The following PINX1 variants were observed in gnomAD, a reference collection of about 807,000 sequenced individuals.
The protein encoded by PINX1 is PIN2 (TERF1) interacting telomerase inhibitor 1.
PINX1 carries 34 observed loss-of-function variants against 25.4 expected under a neutral mutation model. The ratio of observed to expected loss-of-function variants is 1.34; its 90% CI spans 1.02 to 1.78. PINX1 has a LOEUF of 1.78. Ranked by LOEUF, PINX1 falls within the 40% of genes most tolerant of loss-of-function variation. The probability of loss-of-function intolerance (pLI) is 0.00; values close to 1 mark genes in which losing one functional copy is unlikely to be tolerated. For synonymous variants in PINX1, 197 were observed against 147.7 expected (o/e 1.33, Z -2.42); for missense variants, 592 against 404.9 (o/e 1.46, Z -3.97).
intron 6 of PINX1, among the ~76,000 whole-genome samples, chr8:10,793,634 C>G (rs759376258): frequency 9.9e-5 from 15 of 151,988 alleles, no homozygotes; most frequent in Non-Finnish European, 1.8e-4. Context: ...AGAAAGGACA[C>G]AGACGTCCGC....
intron 6 of PINX1, among the ~76,000 whole-genome samples, chr8:10,767,377 T>A (rs1003740677): frequency 3.9e-5 from 6 of 152,060 alleles, no homozygotes; most frequent in African/African-American, 1.4e-4. Context: ...CAGTGGCAAG[T>A]GCCTCAGACA....
chr8:10,807,337 C>CG (rs1262805682), intron 6 of PINX1, among the ~76,000 whole-genome samples: 17 of 99,892 alleles, frequency 1.7e-4, no homozygotes, highest in Non-Finnish European at 3.2e-4. Flanking sequence ...ACCCCCCCCC[C>CG]CACCAAAGTA....
chr8:10,824,483 T>C (rs1320031953), intron 5 of PINX1, among the ~76,000 whole-genome samples: 7 of 152,144 alleles, frequency 4.6e-5, no homozygotes, highest in African/African-American at 1.7e-4. Flanking sequence ...TGACTCCCTC[T>C]TCTCCCCAGG....
intron 6 of PINX1, among the ~76,000 whole-genome samples, chr8:10,783,104 G>A (rs1801644153): frequency 6.6e-6 from 1 of 152,144 alleles, no homozygotes. Context: ...ATTGTTACGT[G>A]TGACCCTTAT....
At chr8:10,828,717 C>G (rs1424564596) in intron 4 of PINX1, among the ~76,000 whole-genome samples, 1 of 152,178 alleles carries the variant, frequency 6.6e-6, no homozygotes, top group Non-Finnish European at 1.5e-5. Flanking sequence ...TGCACTCATG[C>G]CTGAAACTGC....
intron 6 of PINX1, among the ~76,000 whole-genome samples, chr8:10,801,280 T>G (rs73208758): frequency 6.6e-6 from 1 of 152,138 alleles, no homozygotes; most frequent in Non-Finnish European, 1.5e-5. Context: ...CCCTCCCATA[T>G]GCTAAAGGAG....
chr8:10,829,567 C>T (rs1798163654), intron 4 of PINX1, among the ~76,000 whole-genome samples: 2 of 152,192 alleles, frequency 1.3e-5, no homozygotes, highest in Non-Finnish European at 2.9e-5. Flanking sequence ...TACCGAATGT[C>T]ATACAAATGA....
chr8:10,834,806 T>A, intron 1 of PINX1, 31 bp from the exon 2 acceptor site: 1 of 1,499,978 alleles, frequency 6.7e-7, no homozygotes, highest in South Asian at 1.1e-5. Context: ...TCATCAGCAA[T>A]GGAGATGATA....
chr8:10,833,624 C>A, intron 2 of PINX1: 1 of 54,146 alleles, frequency 1.8e-5, no homozygotes, highest in Non-Finnish European at 3.8e-5. Flanking sequence ...AACTGGGGTG[C>A]GGGAGGCTGG....
At chr8:10,818,846 G>C (rs1713196872) in intron 6 of PINX1, among the ~76,000 whole-genome samples, 1 of 152,196 alleles carries the variant, frequency 6.6e-6, no homozygotes, top group African/African-American at 2.4e-5. Flanking sequence ...ACGACTGAGA[G>C]AGTCAAGGAA....
chr8:10,821,843 T>G (rs1301333927), intron 5 of PINX1: 1 of 152,232 alleles, frequency 6.6e-6, no homozygotes, highest in Non-Finnish European at 1.5e-5. Context: ...TATAGCAATT[T>G]GACTAAAAGG....
chr8:10,779,324 G>A (rs983108728), intron 6 of PINX1, among the ~76,000 whole-genome samples: 3 of 152,104 alleles, frequency 2.0e-5, no homozygotes, highest in Non-Finnish European at 2.9e-5. Flanking sequence ...AATAAAATAT[G>A]GAACACAGAA....
chr8:10,792,882 T>A (rs971788167), intron 6 of PINX1, among the ~76,000 whole-genome samples: 9 of 152,142 alleles, frequency 5.9e-5, no homozygotes, highest in African/African-American at 1.9e-4. Flanking sequence ...CAATACACCA[T>A]CTCATTATCT....
Position 10,819,375 on chromosome 8 carries a change from T to C in PINX1, c.471+818A>G, listed in dbSNP as rs143491227. On this transcript the variant is annotated intron_variant, in intron 6 of 6. Coordinates refer to ENST00000314787, the MANE Select transcript of PINX1 (RefSeq NM_017884.6). ...TTCTATGGTCACCAAGGGCCCTGGCTACAAACCAATAAAAGATCATCAGTA... is the reference window on the plus strand; with the variant it reads ...TTCTATGGTCACCAAGGGCCCTGGCCACAAACCAATAAAAGATCATCAGTA... Among the ~76,000 whole-genome samples, 7 of 152,344 alleles carry C rather than the reference T, an allele frequency of 4.6e-5. No homozygotes were observed. The East Asian group carries it at 1.3e-3, about 29-fold the overall frequency.
chr8:10,813,691 A>G (rs1797606182), intron 6 of PINX1, among the ~76,000 whole-genome samples: 1 of 152,200 alleles, frequency 6.6e-6, no homozygotes, highest in African/African-American at 2.4e-5. Context: ...TGAGGGTTCT[A>G]ATTCAATCAG....
chr8:10,822,452 C>T (rs1041207514), intron 5 of PINX1, among the ~76,000 whole-genome samples: 3 of 152,148 alleles, frequency 2.0e-5, no homozygotes, highest in African/African-American at 7.2e-5. Context: ...GTCTTCAATG[C>T]GTAACATTTC....
In PINX1 at chr8:10,765,896, A is replaced by G. The variant is rs745496963; in HGVS notation, c.492T>C (p.Thr164=). 1 of 1,613,698 alleles carries G rather than the reference A, an allele frequency of 6.2e-7. No individual in the cohort carries two copies. The highest frequency in any genetic ancestry group is 8.5e-7 in the Non-Finnish European group (1 of 1,179,854). Residue 164 remains threonine (T), a synonymous_variant, in exon 7 of 7, where the codon ACT becomes ACC. Transcript: ENST00000314787. ...TTGTCGTGGTTTCGTTCTCCTCTGG[A>G]GTGGAGGGACTGGCATCGCCCTATG... ...KTPEGDASPS[T]PEENETTTTS...
chr8:10,799,271 C>T (rs1015651532), intron 6 of PINX1, among the ~76,000 whole-genome samples: 1 of 152,048 alleles, frequency 6.6e-6, no homozygotes, highest in African/African-American at 2.4e-5. Context: ...TGAATACAAT[C>T]ATCAATTTAA....
chr8:10,765,309 G>T lies in PINX1; in HGVS notation c.*92C>A. ...GCCACAAGATGCGCCCAGGCGCTCT[G>T]GGGTGAACTCTGCTGTGACTTCAGG... On this transcript the variant is annotated 3_prime_UTR_variant, in exon 7 of 7. Coordinates refer to ENST00000314787, the MANE Select transcript of PINX1 (RefSeq NM_017884.6). 1 of 1,250,220 alleles carries T rather than the reference G, an allele frequency of 8.0e-7. No homozygotes were observed. The highest frequency in any genetic ancestry group is 1.1e-6 in the Non-Finnish European group (1 of 924,624). The allele number at this position is 1,250,220 out of a possible 1,614,324, so 77.4% of individuals were successfully genotyped here.
Sources: gnomAD v4.1 joint callset for allele counts (sites outside exome capture counted in the v4.1 genomes callset) on GRCh38, gnomAD v4.1.1 for gene constraint, MANE v1.5 for transcripts, NCBI Gene and HGNC (gene_info 2026-07-23, HGNC 2026-07-21) for gene names.